Variants in CHSY1 observed in about 807,000 individuals in gnomAD.
CHSY1 encodes the protein chondroitin sulfate synthase 1, also known as N-acetylgalactosaminyl-proteoglycan 3-beta-glucuronosyltransferase 1.
In CHSY1, 13 loss-of-function variants were observed where a neutral mutation model predicts 59.8. That is an observed-to-expected ratio of 0.22 (90% CI 0.14 to 0.35). The LOEUF is 0.35. CHSY1 is among the 10% of genes least tolerant of loss of function. The probability of loss-of-function intolerance (pLI) is 1.00; values close to 1 mark genes in which losing one functional copy is unlikely to be tolerated. For synonymous variants in CHSY1, 459 were observed against 401.2 expected (o/e 1.14, Z -1.72); for missense variants, 947 against 1,030.6 (o/e 0.92, Z 1.11).
chr15:101,200,039 G>A (rs536013040), intron 2 of CHSY1, among the ~76,000 whole-genome samples: 59 of 152,286 alleles, frequency 3.9e-4, no homozygotes, highest in Middle Eastern at 3.4e-3. Context: ...CCAATGTTTT[G>A]TGAATACTCA....
At chr15:101,244,904 A>G (rs1385386855) in intron 1 of CHSY1, among the ~76,000 whole-genome samples, 1 of 152,236 alleles carries the variant, frequency 6.6e-6, no homozygotes, top group Non-Finnish European at 1.5e-5. Context: ...TCATATGTAC[A>G]CATTTAAGCA....
intron 2 of CHSY1, among the ~76,000 whole-genome samples, chr15:101,216,473 C>T (rs1487502186): frequency 6.6e-6 from 1 of 152,182 alleles, no homozygotes; most frequent in Non-Finnish European, 1.5e-5. Context: ...TTCCTAATCG[C>T]CGAAAACCAA....
chr15:101,202,147 G>A (rs2038580350), intron 2 of CHSY1, among the ~76,000 whole-genome samples: 2 of 146,844 alleles, frequency 1.4e-5, no homozygotes, highest in East Asian at 2.0e-4. Flanking sequence ...GAAGGATGGA[G>A]GGCATTTCTG....
intron 2 of CHSY1, among the ~76,000 whole-genome samples, chr15:101,223,941 A>G (rs931141272): frequency 1.3e-5 from 2 of 152,244 alleles, no homozygotes; most frequent in African/African-American, 4.8e-5. Context: ...GACCCCTTAG[A>G]CTGTGGTCCC....
chr15:101,188,236 A>G (rs925888926), intron 2 of CHSY1: 4 of 972,780 alleles, frequency 4.1e-6, no homozygotes, highest in Non-Finnish European at 4.9e-6. Context: ...AGTGGTTCAA[A>G]GAAAGTAAGC....
At chr15:101,239,418 C>T (rs1050144002) in intron 1 of CHSY1, among the ~76,000 whole-genome samples, 1 of 152,230 alleles carries the variant, frequency 6.6e-6, no homozygotes, top group Non-Finnish European at 1.5e-5. Context: ...ACAGCATCAC[C>T]GCAAGAGCTG....
chr15:101,196,195 ACT>A (rs1043694373), intron 2 of CHSY1, among the ~76,000 whole-genome samples: 1 of 150,908 alleles, frequency 6.6e-6, no homozygotes, highest in Non-Finnish European at 1.5e-5. Flanking sequence ...ACAGCACTGT[ACT>A]CCAGCGTGGG....
At chr15:101,250,846 G>A (rs1467280412) in intron 1 of CHSY1, among the ~76,000 whole-genome samples, 4 of 152,212 alleles carry the variant, frequency 2.6e-5, no homozygotes, top group Admixed American at 1.3e-4. Context: ...CTTCTAACGA[G>A]AAGCTTCGAT....
chr15:101,175,951 C>T lies in CHSY1; in HGVS notation c.*1437G>A, dbSNP rs1200920804. 3 of 250,510 alleles carry T rather than the reference C, an allele frequency of 1.2e-5. No homozygotes were observed. The highest frequency in any genetic ancestry group is 2.3e-5 in the Non-Finnish European group (3 of 133,284). 15.5% of individuals were successfully genotyped at this position (250,510 alleles called of 1,614,324 possible). A position where few individuals can be genotyped will look rare whatever the true frequency, so the allele number is the denominator to read the frequency against. On this transcript the variant is annotated 3_prime_UTR_variant, in exon 3 of 3. Coordinates refer to ENST00000254190, the MANE Select transcript of CHSY1 (RefSeq NM_014918.5). ...CTAAATGAAAACAAATTTATTAAGG[C>T]ACATTTGATCTGAGAATTTAACTTT...
At chr15:101,220,830 T>C (rs1182520919) in intron 2 of CHSY1, among the ~76,000 whole-genome samples, 2 of 152,238 alleles carry the variant, frequency 1.3e-5, no homozygotes, top group Non-Finnish European at 2.9e-5. Flanking sequence ...CGCATGCCCA[T>C]TCCCTCTGTT....
intron 1 of CHSY1, among the ~76,000 whole-genome samples, chr15:101,248,507 T>G (rs183675933): frequency 1.3e-5 from 2 of 152,196 alleles, no homozygotes; most frequent in African/African-American, 2.4e-5. Context: ...TGGAGTGACA[T>G]TAGCTGGACA....
intron 2 of CHSY1, among the ~76,000 whole-genome samples, chr15:101,201,410 A>G (rs2038573135): frequency 6.6e-6 from 1 of 152,222 alleles, no homozygotes; most frequent in African/African-American, 2.4e-5. Context: ...GGTGGGGACG[A>G]GTGAGCAGAA....
intron 2 of CHSY1, among the ~76,000 whole-genome samples, chr15:101,191,319 G>C (rs2038441898): frequency 6.6e-6 from 1 of 152,174 alleles, no homozygotes. Context: ...AAACTGAAAA[G>C]GCTACATACT....
intron 2 of CHSY1, among the ~76,000 whole-genome samples, chr15:101,193,029 A>C (rs926167886): frequency 6.6e-6 from 1 of 152,246 alleles, no homozygotes; most frequent in Non-Finnish European, 1.5e-5. Flanking sequence ...CCCTGTATGC[A>C]CTGGTGTAAT....
chr15:101,232,895 T>C (rs895580051), intron 2 of CHSY1, among the ~76,000 whole-genome samples: 4 of 152,212 alleles, frequency 2.6e-5, no homozygotes, highest in Non-Finnish European at 4.4e-5. Context: ...GTCAAAGCTC[T>C]GACACCACAG....
chr15:101,207,606 C>T (rs771104974), intron 2 of CHSY1, among the ~76,000 whole-genome samples: 68 of 151,646 alleles, frequency 4.5e-4, no homozygotes, highest in Non-Finnish European at 7.1e-4. Context: ...ACCCAATCTA[C>T]TAGAAAAAAA....
Position 101,189,439 on chromosome 15 carries a change from G to A in CHSY1, c.817-10459C>T, listed in dbSNP as rs1209980132. The A allele has an allele frequency of 3.0e-6, 3 of 985,482 alleles. No homozygotes were observed. The East Asian group carries it at 3.4e-4, about 112-fold the overall frequency. 61.0% of individuals were successfully genotyped at this position (985,482 alleles called of 1,614,324 possible). On this transcript the variant is annotated intron_variant, in intron 2 of 2. Coordinates refer to ENST00000254190, the MANE Select transcript of CHSY1 (RefSeq NM_014918.5). ...AAAAACAAACTTACAGGGACAAGGT[G>A]GATGTAAGCCAGAAGGGATGGAGCT...
At chr15:101,185,548 C>A (rs1307603908) in intron 2 of CHSY1, among the ~76,000 whole-genome samples, 1 of 151,974 alleles carries the variant, frequency 6.6e-6, no homozygotes, top group African/African-American at 2.4e-5. Context: ...CATGGAGCAC[C>A]CTCCATCCCC....
intron 1 of CHSY1, among the ~76,000 whole-genome samples, chr15:101,250,855 A>G (rs758595292): frequency 2.6e-5 from 4 of 152,172 alleles, no homozygotes; most frequent in Admixed American, 6.5e-5. Flanking sequence ...AGAAGCTTCG[A>G]TTTGCAAAGG....
Sources: allele counts gnomAD v4.1 joint callset (sites outside exome capture counted in the v4.1 genomes callset), GRCh38; gene constraint gnomAD v4.1.1; transcripts MANE v1.5; gene names NCBI Gene and HGNC (gene_info 2026-07-23, HGNC 2026-07-21).